The following SHANK2 variants were observed in gnomAD, a reference collection of about 807,000 sequenced individuals.
SHANK2 encodes the protein SH3 and multiple ankyrin repeat domains 2, also known as SH3 and multiple ankyrin repeat domains protein 2.
A neutral mutation model predicts 133.7 loss-of-function variants in SHANK2; 43 were observed. The ratio of observed to expected loss-of-function variants is 0.32; its 90% confidence interval spans 0.25 to 0.41. The LOEUF (loss-of-function observed/expected upper bound fraction) is 0.41, where lower values mean the gene tolerates loss of function less well. SHANK2 is among the 10% of genes least tolerant of loss of function. The pLI is 1.00. For synonymous variants in SHANK2, 1,017 were observed against 952.8 expected (o/e 1.07, Z -1.24); for missense variants, 1,994 against 2,235.8 (o/e 0.89, Z 2.18).
intron 17 of SHANK2, among the ~76,000 whole-genome samples, chr11:70,516,007 C>T (rs7114681): frequency 0.02 from 3,025 of 151,954 alleles, 29 homozygotes; most frequent in South Asian, 0.074. Flanking sequence ...TGTTTTGGGC[C>T]GTATTTCATA....
chr11:70,480,170 G>C (rs1364688126), intron 25 of SHANK2, among the ~76,000 whole-genome samples: 1 of 152,194 alleles, frequency 6.6e-6, no homozygotes, highest in African/African-American at 2.4e-5. Flanking sequence ...CTCCTCATCT[G>C]GCCATGGTTT....
At chr11:70,867,360 C>T (rs372688870) in intron 11 of SHANK2, among the ~76,000 whole-genome samples, 6 of 152,296 alleles carry the variant, frequency 3.9e-5, no homozygotes, top group African/African-American at 1.4e-4. Context: ...GGCAGCAGGG[C>T]CGAGAGCAGG....
At chr11:70,538,225 G>A (rs558514397) in intron 17 of SHANK2, among the ~76,000 whole-genome samples, 1 of 152,342 alleles carries the variant, frequency 6.6e-6, no homozygotes, top group East Asian at 1.9e-4. Flanking sequence ...TGTGGACATA[G>A]CCAGCAGCCC....
At chr11:70,539,258 C>A (rs978575537) in intron 17 of SHANK2, among the ~76,000 whole-genome samples, 1 of 152,202 alleles carries the variant, frequency 6.6e-6, no homozygotes, top group Non-Finnish European at 1.5e-5. Flanking sequence ...CTGTGCCACA[C>A]GCGGGCCTGG....
At chr11:70,855,943 A>C (rs568155647) in intron 11 of SHANK2, among the ~76,000 whole-genome samples, 44 of 152,284 alleles carry the variant, frequency 2.9e-4, no homozygotes, top group African/African-American at 9.9e-4. Context: ...AGAGAGATGG[A>C]AGGATGGATG....
intron 8 of SHANK2, among the ~76,000 whole-genome samples, chr11:71,085,670 G>T (rs1303273608): frequency 8.4e-4 from 14 of 16,630 alleles, no homozygotes; most frequent in Middle Eastern, 0.1. Flanking sequence ...TATTATATAT[G>T]TTATATATAT....
chr11:70,727,919 G>A (rs1221159881), intron 14 of SHANK2, among the ~76,000 whole-genome samples: 1 of 152,204 alleles, frequency 6.6e-6, no homozygotes, highest in Admixed American at 6.5e-5. Context: ...TTTTCCTCAA[G>A]GGACAAAGGA....
intron 3 of SHANK2, among the ~76,000 whole-genome samples, chr11:71,137,919 C>T (rs1477750426): frequency 6.6e-6 from 1 of 152,074 alleles, no homozygotes; most frequent in Non-Finnish European, 1.5e-5. Context: ...CAGCTTCTAA[C>T]GGTAACGAAC....
At chr11:71,220,166 G>A (rs1459781954) in intron 2 of SHANK2, among the ~76,000 whole-genome samples, 7 of 152,088 alleles carry the variant, frequency 4.6e-5, no homozygotes, top group African/African-American at 1.7e-4. Context: ...GGCCTGGGAG[G>A]CCGACGCTGC....
At position 71,090,088 on chromosome 11, in the gene SHANK2, C is replaced by CGTGT. The variant is rs1302645293; in HGVS notation, c.912+2330_912+2333dup. Among the ~76,000 whole-genome samples, 198 of 141,098 alleles carry CGTGT rather than the reference C, an allele frequency of 1.4e-3. 2 individuals carry two copies. Among genetic ancestry groups the CGTGT allele is most frequent in the Middle Eastern group, 3.5e-3 (1 of 282 alleles). 92.6% of individuals were successfully genotyped at this position (141,098 alleles called of 152,430 possible). ...GTCAGGGTTCTACAGAGACACAGAA[C>CGTGT]GTGTGTGTGTGTGTGTGTGTGTGTG... On this transcript the variant is annotated intron_variant, in intron 8 of 25. Coordinates refer to ENST00000601538, the MANE Select transcript of SHANK2 (RefSeq NM_012309.5).
intron 2 of SHANK2, among the ~76,000 whole-genome samples, chr11:71,166,406 C>G (rs1324921083): frequency 6.6e-6 from 1 of 151,876 alleles, no homozygotes; most frequent in Non-Finnish European, 1.5e-5. Context: ...AATTCTCATA[C>G]AGCAATGCAG....
At chr11:70,636,345 GT>G (rs1223402067) in intron 17 of SHANK2, among the ~76,000 whole-genome samples, 7 of 152,266 alleles carry the variant, frequency 4.6e-5, no homozygotes, top group African/African-American at 1.7e-4. Context: ...GTGAATGCGT[GT>G]TAGTACATGT....
At chr11:70,895,537 A>C (rs1002608191) in intron 11 of SHANK2, 2 of 152,538 alleles carry the variant, frequency 1.3e-5, no homozygotes, top group African/African-American at 4.8e-5. Context: ...AGGAGCCCCA[A>C]AGACTCTCCT....
Position 70,487,316 on chromosome 11 carries a change from C to A in SHANK2, c.2977G>T (p.Gly993Trp). The change falls in exon 25 of 26, where the codon GGG (glycine) becomes TGG (tryptophan). Residue 993 changes from glycine (G) to tryptophan (W), a missense_variant. Transcript: ENST00000601538. This position sits in a 1 kb window ranked among gnomAD's most constrained non-coding sequence, Gnocchi z 5.8. ...TAGACGGCTTTGCTGGCGATCTTCC[C>A]CACCTCTGAGTATGGGTTTTCTGGC... ...QMPENPYSEV[G>W]KIASKAVYVP... The A allele has an allele frequency of 6.2e-7, 1 of 1,614,196 alleles. No individual in the cohort carries two copies. Among genetic ancestry groups the A allele is most frequent in the South Asian group, 1.1e-5 (1 of 91,086 alleles).
chr11:71,130,815 C>A (rs1489723502), intron 3 of SHANK2, among the ~76,000 whole-genome samples: 1 of 152,212 alleles, frequency 6.6e-6, no homozygotes, highest in Non-Finnish European at 1.5e-5. Context: ...TATTCAGGAT[C>A]TGGAGCCAGA....
At position 70,471,391 on chromosome 11, in the gene SHANK2, CTGTG is replaced by C; in HGVS notation, c.*1474_*1477del. On this transcript the variant is annotated 3_prime_UTR_variant, in exon 26 of 26. Transcript: ENST00000601538. This position sits in a 1 kb window ranked among gnomAD's most constrained non-coding sequence, Gnocchi z 4.1. ...GGGGGAGAATGTGCTGGAAGCCTGA[CTGTG>C]TGTTTTGCGGCCCATGTGCATCTGG... is the stretch of plus-strand genomic sequence containing the variant. 2.5e-6 allele frequency: 1 copy of C among 398,842 alleles called. No homozygotes were observed. Among genetic ancestry groups the C allele is most frequent in the Non-Finnish European group, 4.4e-6 (1 of 226,048 alleles). 24.7% of individuals were successfully genotyped at this position (398,842 alleles called of 1,614,324 possible).
At chr11:70,646,821 T>G (rs1336322367) in intron 17 of SHANK2, among the ~76,000 whole-genome samples, 1 of 47,022 alleles carries the variant, frequency 2.1e-5, no homozygotes, top group African/African-American at 1.0e-4. Context: ...GAATCTAACT[T>G]TTATTTATTT....
chr11:70,886,714 CA>C (rs1555073592), intron 11 of SHANK2, among the ~76,000 whole-genome samples: 11 of 152,080 alleles, frequency 7.2e-5, no homozygotes, highest in East Asian at 1.9e-4. Context: ...CACACACACA[CA>C]CACACACCCC....
At chr11:71,195,652 A>G (rs1273919221) in intron 2 of SHANK2, among the ~76,000 whole-genome samples, 1 of 152,228 alleles carries the variant, frequency 6.6e-6, no homozygotes, top group Non-Finnish European at 1.5e-5. Flanking sequence ...CTGTAATCAG[A>G]GGCCCACTCT....
Sources: gnomAD v4.1 joint callset for allele counts (sites outside exome capture counted in the v4.1 genomes callset) on GRCh38, gnomAD v4.1.1 for gene constraint, Gnocchi (gnomAD v3.1) non-coding constraint, MANE v1.5 for transcripts, NCBI Gene and HGNC (gene_info 2026-07-23, HGNC 2026-07-21) for gene names.